TENM2: variants seen among roughly 807,000 people sequenced by gnomAD.
The protein encoded by TENM2 is teneurin transmembrane protein 2, also known as teneurin-2.
TENM2 carries 52 observed loss-of-function variants against 245.2 expected under a neutral mutation model. The ratio of observed to expected loss-of-function variants is 0.21; its 90% CI spans 0.17 to 0.27. TENM2 has a LOEUF of 0.27. TENM2 is among the 10% of genes least tolerant of loss of function. The pLI, the probability that TENM2 is intolerant of heterozygous loss-of-function variation, is 1.00. For synonymous variants in TENM2, 1,363 were observed against 1,438.9 expected, an observed-to-expected ratio of 0.95 and a Z score of 1.19; for missense variants, 3,046 against 3,666.8, an observed-to-expected ratio of 0.83 and a Z score of 4.37.
chr5:167,223,622 A>G, the TENM2 span, among the ~76,000 whole-genome samples: 1 of 152,024 alleles, frequency 6.6e-6, no homozygotes, highest in Admixed American at 6.6e-5. Flanking sequence ...TTGATTCCAA[A>G]CCTTTGCTAT....
At chr5:167,137,421 G>A in the TENM2 span, among the ~76,000 whole-genome samples, 14 of 152,104 alleles carry the variant, frequency 9.2e-5, no homozygotes, top group Non-Finnish European at 1.3e-4. Context: ...ATAAAAATAT[G>A]AAAAAAAGGT....
intron 3 of TENM2, among the ~76,000 whole-genome samples, chr5:167,896,908 G>T (rs958549410): frequency 6.6e-6 from 1 of 152,176 alleles, no homozygotes; most frequent in Non-Finnish European, 1.5e-5. Flanking sequence ...TTGCTAAAAC[G>T]TCCAGAAAAT....
chr5:167,892,769 A>G (rs764111599), intron 3 of TENM2, among the ~76,000 whole-genome samples: 98 of 152,306 alleles, frequency 6.4e-4, no homozygotes, highest in Non-Finnish European at 9.3e-4. Flanking sequence ...CCCCATTTGG[A>G]CTATTGTTAC....
chr5:167,147,007 T>C, the TENM2 span, among the ~76,000 whole-genome samples: 1 of 152,194 alleles, frequency 6.6e-6, no homozygotes. Context: ...TTGAATTCTC[T>C]GGCATACTGA....
intron 2 of TENM2, among the ~76,000 whole-genome samples, chr5:167,835,255 A>G (rs1179191231): frequency 6.6e-6 from 1 of 152,210 alleles, no homozygotes; most frequent in African/African-American, 2.4e-5. Flanking sequence ...GAGTGAGACT[A>G]TCATCCCATG....
At chr5:167,934,795 A>G (rs1038052722) in intron 3 of TENM2, 3 of 943,450 alleles carry the variant, frequency 3.2e-6, no homozygotes, top group African/African-American at 1.8e-5. Context: ...GCAGCCTTCC[A>G]GGGCCTGGCA....
intron 3 of TENM2, among the ~76,000 whole-genome samples, chr5:167,922,062 AAG>A (rs1367737491): frequency 6.6e-6 from 1 of 152,194 alleles, no homozygotes; most frequent in African/African-American, 2.4e-5. Flanking sequence ...ATCAAGAAAA[AAG>A]AGTCATGAAG....
At chr5:166,980,130 A>C in the TENM2 span, among the ~76,000 whole-genome samples, 2 of 152,304 alleles carry the variant, frequency 1.3e-5, no homozygotes, top group East Asian at 3.9e-4. Flanking sequence ...ACCACTACCC[A>C]TGTTGCTTGC....
chr5:167,450,965 A>G (rs1240527944), intron 2 of TENM2, among the ~76,000 whole-genome samples: 1 of 152,192 alleles, frequency 6.6e-6, no homozygotes, highest in Non-Finnish European at 1.5e-5. Flanking sequence ...GCAAGACTGT[A>G]CAGTCTCTTA....
At chr5:167,693,489 C>T (rs1172634435) in intron 2 of TENM2, among the ~76,000 whole-genome samples, 7 of 151,982 alleles carry the variant, frequency 4.6e-5, no homozygotes, top group Non-Finnish European at 1.0e-4. Flanking sequence ...TAGCTTGATT[C>T]GGGCTATTCA....
chr5:167,666,136 T>C (rs979312929), intron 2 of TENM2, among the ~76,000 whole-genome samples: 8 of 152,204 alleles, frequency 5.3e-5, no homozygotes, highest in African/African-American at 1.9e-4. Context: ...AATGGGCAGG[T>C]CCCTGAGGGT....
chr5:167,482,217 C>T (rs913020140), intron 2 of TENM2, among the ~76,000 whole-genome samples: 1 of 152,244 alleles, frequency 6.6e-6, no homozygotes, highest in African/African-American at 2.4e-5. Flanking sequence ...AGTGTATTTT[C>T]TCTAGACTAT....
chr5:167,383,069 T>C (rs1761188354), intron 2 of TENM2, among the ~76,000 whole-genome samples: 2 of 152,122 alleles, frequency 1.3e-5, no homozygotes, highest in Non-Finnish European at 2.9e-5. Flanking sequence ...TTGCTCTGCA[T>C]TGGACGAAGC....
intron 2 of TENM2, among the ~76,000 whole-genome samples, chr5:167,493,491 C>G (rs1333141414): frequency 6.6e-6 from 1 of 152,048 alleles, no homozygotes; most frequent in Non-Finnish European, 1.5e-5. Context: ...ATAGTTTTGG[C>G]TCATAGAATT....
intron 2 of TENM2, among the ~76,000 whole-genome samples, chr5:167,514,382 G>A (rs187824174): frequency 9.8e-4 from 149 of 152,220 alleles, no homozygotes; most frequent in African/African-American, 3.4e-3. Context: ...GCTCTCTGCT[G>A]TCATATTAAT....
At chr5:167,560,059 T>C (rs1773488500) in intron 2 of TENM2, among the ~76,000 whole-genome samples, 1 of 152,142 alleles carries the variant, frequency 6.6e-6, no homozygotes, top group East Asian at 1.9e-4. Context: ...ACTTCTCAAA[T>C]GCATGGAAGC....
chr5:167,599,408 T>C (rs185530427), intron 2 of TENM2, among the ~76,000 whole-genome samples: 2 of 152,186 alleles, frequency 1.3e-5, no homozygotes, highest in Non-Finnish European at 2.9e-5. Context: ...AAATAAACCA[T>C]ATAACTCTCA....
chr5:166,981,009 C>T, the TENM2 span, among the ~76,000 whole-genome samples: 3 of 152,152 alleles, frequency 2.0e-5, no homozygotes, highest in Non-Finnish European at 2.9e-5. Context: ...GTTGGAAGAA[C>T]TACATGAAAA....
At chr5:167,856,544 A>G (rs1771115686) in intron 2 of TENM2, among the ~76,000 whole-genome samples, 1 of 152,212 alleles carries the variant, frequency 6.6e-6, no homozygotes, top group Non-Finnish European at 1.5e-5. Context: ...ATGAATCTAT[A>G]TGGATCTCGA....
Sources: allele counts gnomAD v4.1 joint callset (sites outside exome capture counted in the v4.1 genomes callset), GRCh38; gene constraint gnomAD v4.1.1; transcripts MANE v1.5; gene names NCBI Gene and HGNC (gene_info 2026-07-23, HGNC 2026-07-21).